CNDP2: variants seen among roughly 807,000 people sequenced by gnomAD.
CNDP2 encodes the protein carnosine dipeptidase 2.
CNDP2 carries 38 observed loss-of-function variants against 55.0 expected under a neutral mutation model. The ratio of observed to expected loss-of-function variants is 0.69; its 90% CI spans 0.53 to 0.90. The LOEUF (loss-of-function observed/expected upper bound fraction) is 0.90, where lower values mean the gene tolerates loss of function less well. Ranked by LOEUF, CNDP2 falls within the 40% of genes least tolerant of loss-of-function variation. The pLI is 0.00. For missense variants in CNDP2, 607 were observed against 621.7 expected (o/e 0.98, Z 0.25); for synonymous variants, 241 against 260.2 (o/e 0.93, Z 0.71).
intron 3 of CNDP2, 61 bp from the exon 4 acceptor site, chr18:74,505,788 C>T (rs891296574): frequency 6.3e-6 from 10 of 1,592,136 alleles, no homozygotes; most frequent in Non-Finnish European, 8.6e-6. Context: ...ATAATCTCCA[C>T]CTTAAGCACT....
chr18:74,514,824 GC>G (rs1168605426), intron 8 of CNDP2, among the ~76,000 whole-genome samples: 1 of 152,224 alleles, frequency 6.6e-6, no homozygotes, highest in East Asian at 1.9e-4. Flanking sequence ...GTTGAATTAA[GC>G]AACTCAGCCC....
intron 3 of CNDP2, among the ~76,000 whole-genome samples, chr18:74,503,298 C>T (rs181722902): frequency 6.6e-6 from 1 of 152,316 alleles, no homozygotes; most frequent in Non-Finnish European, 1.5e-5. Context: ...GTGGAATCTT[C>T]TGCAGAGATG....
At chr18:74,517,739 C>T (rs1444352168) in intron 9 of CNDP2, 2 of 152,014 alleles carry the variant, frequency 1.3e-5, no homozygotes, top group African/African-American at 2.4e-5. Flanking sequence ...CTTTGTCTCA[C>T]ACCTTAGTTA....
intron 8 of CNDP2, among the ~76,000 whole-genome samples, chr18:74,515,342 G>C (rs143862209): frequency 6.6e-6 from 1 of 152,164 alleles, no homozygotes; most frequent in African/African-American, 2.4e-5. Context: ...AGGAAGAGAA[G>C]GTCCCCACCG....
intron 9 of CNDP2, chr18:74,517,604 G>C (rs1371200694): frequency 6.6e-6 from 1 of 152,112 alleles, no homozygotes; most frequent in Non-Finnish European, 1.5e-5. Context: ...AAGAGGCAGG[G>C]GTGGTGTGTG....
Position 74,521,045 on chromosome 18 carries a change from C to G in CNDP2, c.*977C>G, listed in dbSNP as rs2144622851. 1 of 152,270 alleles carries G rather than the reference C, an allele frequency of 6.6e-6. No homozygotes were observed. The highest frequency in any genetic ancestry group is 2.1e-4 in the South Asian group (1 of 4,816). 9.4% of individuals were successfully genotyped at this position (152,270 alleles called of 1,614,324 possible). On this transcript the variant is annotated 3_prime_UTR_variant, in exon 12 of 12. Transcript: ENST00000324262. ...TTCCTGTCTTCTCTTTAGTATGATCCCTCAAAACCTCACTAACTGGAAGGA... is the reference window on the plus strand; with the variant it reads ...TTCCTGTCTTCTCTTTAGTATGATCGCTCAAAACCTCACTAACTGGAAGGA...
chr18:74,518,686 C>T lies in CNDP2; in HGVS notation c.1210+46C>T, dbSNP rs200539381. ...ATGATGCCGCGCAGGGCCCTTCGCA[C>T]GTCTGACAGGACTCTGCTATATCGC... is the stretch of plus-strand genomic sequence containing the variant. On this transcript the variant is annotated intron_variant, in intron 10 of 11. Coordinates refer to ENST00000324262, the MANE Select transcript of CNDP2 (RefSeq NM_018235.3). 1.0e-4 allele frequency: 167 copies of T among 1,611,380 alleles called. No individual in the cohort carries two copies. In the Middle Eastern group the frequency reaches 1.3e-3, roughly 13 times the overall value.
In CNDP2 at chr18:74,508,902, C is replaced by T. The variant is rs764127312; in HGVS notation, c.430C>T (p.Leu144=). Reference sequence around the variant, plus strand: ...CCCGGTGGCCGGCTGGATAAACGCCCTGGAAGCGTATCAGAAAACAGGCCA... The same window carrying T: ...CCCGGTGGCCGGCTGGATAAACGCCTTGGAAGCGTATCAGAAAACAGGCCA... ...KGPVAGWINA[L]EAYQKTGQEI... is the part of the protein sequence containing the mutation. Residue 144 remains leucine (L), a synonymous_variant, in exon 5 of 12, where the codon CTG becomes TTG. Coordinates refer to ENST00000324262, the MANE Select transcript of CNDP2 (RefSeq NM_018235.3). 4.8e-5 allele frequency: 78 copies of T among 1,614,070 alleles called. 2 individuals are homozygous for T. The South Asian group carries it at 8.5e-4, about 17-fold the overall frequency.
intron 1 of CNDP2, among the ~76,000 whole-genome samples, chr18:74,499,159 A>C (rs1001990768): frequency 6.6e-6 from 1 of 152,206 alleles, no homozygotes; most frequent in African/African-American, 2.4e-5. Context: ...GCAGTTTTGA[A>C]TTTGCTCCGT....
rs1028466063 is a variant in CNDP2 at position 74,516,547 on chromosome 18, G to A, written c.1068+155G>A. ...CAGTAATTATGACAGTCACGGTTCA[G>A]AAGCTAATCAAAGATAATGCATCAC... is the stretch of plus-strand genomic sequence containing the variant. On this transcript the variant is annotated intron_variant, in intron 9 of 11. Transcript: ENST00000324262. 87 of 752,646 alleles carry A rather than the reference G, an allele frequency of 1.2e-4. No homozygotes were observed. In the Middle Eastern group the frequency reaches 1.5e-3, roughly 13 times the overall value. 46.6% of individuals were successfully genotyped at this position (752,646 alleles called of 1,614,324 possible). A position where few individuals can be genotyped will look rare whatever the true frequency, so the allele number is the denominator to read the frequency against.
At chr18:74,499,787 A>T (rs995593673) in intron 1 of CNDP2, 95 bp from the exon 2 acceptor site, 15 of 460,302 alleles carry the variant, frequency 3.3e-5, no homozygotes, top group African/African-American at 2.8e-4. Flanking sequence ...CTGAAGCCGC[A>T]GTCACTTCCT....
Position 74,518,517 on chromosome 18 carries a change from A to G in CNDP2, c.1087A>G (p.Lys363Glu), listed in dbSNP as rs1362656782. Residue 363 changes from lysine to glutamate, a missense_variant, in exon 10 of 12, where the codon AAG becomes GAG. Physicochemically the swap from Lys to Glu is moderately conservative, Grantham distance 56 (BLOSUM62 1). Transcript: ENST00000324262. ...VGEQVTSYLTKKFAELRSPNE... is the reference protein window; with the variant it reads ...VGEQVTSYLTEKFAELRSPNE... ...GGTTTAGGTCACAAGCTACCTAACT[A>G]AGAAGTTTGCTGAACTACGCAGCCC... 3 of 1,614,086 alleles carry G rather than the reference A, an allele frequency of 1.9e-6. No individual in the cohort carries two copies. The highest frequency in any genetic ancestry group is 2.7e-5 in the African/African-American group (2 of 74,934).
chr18:74,500,360 A>T lies in CNDP2; in HGVS notation c.60+327A>T, dbSNP rs137888085. ...TAGTTATATATTAATCTGTTTCTTG[A>T]TGTTAACTTAGAGCATTATGTTTTA... On this transcript the variant is annotated intron_variant, in intron 2 of 11. Coordinates refer to ENST00000324262, the MANE Select transcript of CNDP2 (RefSeq NM_018235.3). 3.6e-3 allele frequency among the ~76,000 whole-genome samples: 541 copies of T among 152,350 alleles called. 6 individuals are homozygous for T. Among genetic ancestry groups the T allele is most frequent in the African/African-American group, 0.012 (506 of 41,580 alleles).
In CNDP2 at chr18:74,496,595, C is replaced by T. The variant is rs1043979165; in HGVS notation, c.-93+164C>T. ...GGAACAATGGTGTCCGGGCTGTTCC[C>T]GAGCGCGCGGTCGGGGGCGGAGGCC... On this transcript the variant is annotated intron_variant, in intron 1 of 11. Transcript: ENST00000324262. Among the ~76,000 whole-genome samples the T allele has an allele frequency of 2.2e-4, 33 of 152,312 alleles. No homozygotes were observed. The South Asian group carries it at 3.1e-3, about 14-fold the overall frequency.
In CNDP2 at chr18:74,510,810, C is replaced by T. The variant is rs1599066818; in HGVS notation, c.457-3C>T. 5.0e-6 allele frequency: 8 copies of T among 1,612,426 alleles called. No homozygotes were observed. The Middle Eastern group carries it at 6.8e-4, about 137-fold the overall frequency. The stretch of plus-strand genomic sequence containing the variant: ...ATCCACTCGTGCTGTTCCCTTCTCA[C>T]AGGAGATTCCTGTCAACGTCCGATT... On this transcript the variant is annotated splice_region_variant and splice_polypyrimidine_tract_variant and intron_variant, in intron 5 of 11. Transcript: ENST00000324262.
chr18:74,522,388 TG>T lies in CNDP2; in HGVS notation c.*2321del, dbSNP rs1980101482. The T allele has an allele frequency of 6.6e-6, 1 of 152,208 alleles. No homozygotes were observed. Among genetic ancestry groups the T allele is most frequent in the Non-Finnish European group, 1.5e-5 (1 of 68,034 alleles). 9.4% of individuals were successfully genotyped at this position (152,208 alleles called of 1,614,324 possible). A position where few individuals can be genotyped will look rare whatever the true frequency, so the allele number is the denominator to read the frequency against. On this transcript the variant is annotated 3_prime_UTR_variant, in exon 12 of 12. Coordinates refer to ENST00000324262, the MANE Select transcript of CNDP2 (RefSeq NM_018235.3). The stretch of plus-strand genomic sequence containing the variant: ...CAGAAATCCTAAGAGTAGCTGCTGG[TG>T]TCTCATGCATGCGAGCTGCATATGG...
chr18:74,499,415 T>C (rs1978568373), intron 1 of CNDP2: 1 of 152,848 alleles, frequency 6.5e-6, no homozygotes, highest in African/African-American at 2.4e-5. Flanking sequence ...TGGCTGTTTC[T>C]GGACTAAGAT....
chr18:74,516,188 G>A (rs1979653317), intron 8 of CNDP2, 40 bp from the exon 9 acceptor site: 1 of 1,568,410 alleles, frequency 6.4e-7, no homozygotes, highest in Admixed American at 1.8e-5. Flanking sequence ...GGCTGGCACT[G>A]AATGCCTGAG....
chr18:74,514,537 TATA>T (rs1979546743), intron 8 of CNDP2, among the ~76,000 whole-genome samples: 2 of 140,012 alleles, frequency 1.4e-5, no homozygotes, highest in East Asian at 2.1e-4. Flanking sequence ...TTCTGCAGGC[TATA>T]GGTTTATGTG....
Sources: allele counts gnomAD v4.1 joint callset (sites outside exome capture counted in the v4.1 genomes callset), GRCh38; gene constraint gnomAD v4.1.1; transcripts MANE v1.5; gene names NCBI Gene and HGNC (gene_info 2026-07-23, HGNC 2026-07-21).